TMX4: variants seen among roughly 807,000 people sequenced by gnomAD.
The protein encoded by TMX4 is thioredoxin-related transmembrane protein 4.
TMX4 carries 23 observed loss-of-function variants against 33.3 expected under a neutral mutation model. The ratio of observed to expected loss-of-function variants is 0.69; its 90% confidence interval spans 0.50 to 0.98. TMX4 has a LOEUF of 0.98. Ranked by LOEUF, TMX4 falls within the 50% of genes least tolerant of loss-of-function variation. The pLI is 0.00. For missense variants in TMX4, 399 were observed against 448.9 expected, an observed-to-expected ratio of 0.89 and a Z score of 1.01; for synonymous variants, 164 against 161.5, an observed-to-expected ratio of 1.02 and a Z score of -0.12.
At position 7,998,904 on chromosome 20, in the gene TMX4, C is replaced by T. The variant is rs140537828; in HGVS notation, c.467+828G>A. 4.1e-3 allele frequency among the ~76,000 whole-genome samples: 617 copies of T among 152,294 alleles called. 6 individuals carry two copies. Among genetic ancestry groups the T allele is most frequent in the African/African-American group, 0.013 (544 of 41,562 alleles). The stretch of plus-strand genomic sequence containing the variant: ...TGTTGTTGTGTTTTTTATCCACCCT[C>T]ATCCCAACTATGATTCTCTGTACCT... On this transcript the variant is annotated intron_variant, in intron 4 of 7. Transcript: ENST00000246024.
chr20:8,007,542 A>G (rs1375899410), intron 2 of TMX4, among the ~76,000 whole-genome samples: 2 of 152,188 alleles, frequency 1.3e-5, no homozygotes, highest in Non-Finnish European at 2.9e-5. Context: ...TCCCTATCAT[A>G]CTTTGTAGAA....
In TMX4 at chr20:7,996,087, A is replaced by G. The variant is rs372867478; in HGVS notation, c.468-16T>C. 5 of 1,607,804 alleles carry G rather than the reference A, an allele frequency of 3.1e-6. No homozygotes were observed. The highest frequency in any genetic ancestry group is 1.7e-5 in the Admixed American group (1 of 59,538). ...TCCAGACATCCTTAAAAAAAAATAA[A>G]GAGAAGAAACAGTGATCATATATAC... On this transcript the variant is annotated splice_polypyrimidine_tract_variant and intron_variant, in intron 4 of 7. Coordinates refer to ENST00000246024, the MANE Select transcript of TMX4 (RefSeq NM_021156.4).
chr20:8,019,693 G>C lies in TMX4; in HGVS notation c.-80C>G. On this transcript the variant is annotated 5_prime_UTR_variant, in exon 1 of 8. Coordinates refer to ENST00000246024, the MANE Select transcript of TMX4 (RefSeq NM_021156.4). ...GCCCGCAGCCTCGCTCGCCCGCCGG[G>C]TTTTTCAAGGAAGCGGGAGACGCAA... The C allele has an allele frequency of 8.2e-7, 1 of 1,216,082 alleles. No homozygotes were observed. The highest frequency in any genetic ancestry group is 1.0e-6 in the Non-Finnish European group (1 of 961,036). The allele number at this position is 1,216,082 out of a possible 1,614,324, so 75.3% of individuals were successfully genotyped here.
At chr20:7,983,754 T>C (rs1332928760) in intron 7 of TMX4, 40 bp downstream of exon 7, 1 of 1,585,276 alleles carries the variant, frequency 6.3e-7, no homozygotes, top group African/African-American at 1.4e-5. Flanking sequence ...ATCACAGAAT[T>C]CCAAAAACAC....
In TMX4 at chr20:7,978,551, A is replaced by T. The variant is rs936962892; in HGVS notation, c.*3700T>A. 2.3e-4 allele frequency: 35 copies of T among 152,336 alleles called. No individual in the cohort carries two copies. The highest frequency in any genetic ancestry group is 8.2e-4 in the African/African-American group (34 of 41,586). The allele number at this position is 152,336 out of a possible 1,614,324, so 9.4% of individuals were successfully genotyped here. On this transcript the variant is annotated 3_prime_UTR_variant, in exon 8 of 8. Coordinates refer to ENST00000246024, the MANE Select transcript of TMX4 (RefSeq NM_021156.4). ...CAAGGAATTTTGGCCATAAAAAGTC[A>T]AATTTTGTTTTTTTTCCACTATCAA...
chr20:8,017,552 CA>C (rs535293265), intron 1 of TMX4, among the ~76,000 whole-genome samples: 3 of 150,214 alleles, frequency 2.0e-5, no homozygotes, highest in African/African-American at 4.9e-5. Flanking sequence ...ATTCTATTAC[CA>C]AAAAAAAAGC....
At chr20:8,002,758 C>T (rs960955177) in intron 2 of TMX4, among the ~76,000 whole-genome samples, 3 of 152,066 alleles carry the variant, frequency 2.0e-5, no homozygotes, top group African/African-American at 7.2e-5. Context: ...AAATTAAATC[C>T]ATATTCAACA....
intron 6 of TMX4, among the ~76,000 whole-genome samples, chr20:7,984,485 T>C (rs2050622135): frequency 6.6e-6 from 1 of 152,108 alleles, no homozygotes. Flanking sequence ...CAATAAGCTC[T>C]AAGCCATTAA....
At chr20:8,019,051 C>T (rs1384457130) in intron 1 of TMX4, 5 of 452,712 alleles carry the variant, frequency 1.1e-5, no homozygotes, top group African/African-American at 8.2e-5. Flanking sequence ...TAAAAGCACA[C>T]GGTTTGCTTG....
At chr20:7,994,535 T>C (rs1436729603) in intron 5 of TMX4, among the ~76,000 whole-genome samples, 1 of 152,224 alleles carries the variant, frequency 6.6e-6, no homozygotes, top group Non-Finnish European at 1.5e-5. Context: ...AGGGCCATTA[T>C]GTATCTTCCC....
Position 7,979,666 on chromosome 20 carries a change from G to C in TMX4, c.*2585C>G, listed in dbSNP as rs1430010601. ...AGGCAGGAGAATCCCTTGAACTAGG[G>C]AGGCGGAGGTTGTAGTAAGCCAAGA... On this transcript the variant is annotated 3_prime_UTR_variant, in exon 8 of 8. Coordinates refer to ENST00000246024, the MANE Select transcript of TMX4 (RefSeq NM_021156.4). 6.6e-6 allele frequency: 1 copy of C among 151,422 alleles called. No homozygotes were observed. The highest frequency in any genetic ancestry group is 1.5e-5 in the Non-Finnish European group (1 of 67,948). 9.4% of individuals were successfully genotyped at this position (151,422 alleles called of 1,614,324 possible). A position where few individuals can be genotyped will look rare whatever the true frequency, so the allele number is the denominator to read the frequency against.
At chr20:7,989,453 A>G (rs1318088167) in intron 5 of TMX4, among the ~76,000 whole-genome samples, 2 of 152,230 alleles carry the variant, frequency 1.3e-5, no homozygotes, top group Non-Finnish European at 2.9e-5. Flanking sequence ...ATTTCATTAA[A>G]TCATTTGCTT....
chr20:8,006,385 A>G (rs535675632), intron 2 of TMX4, among the ~76,000 whole-genome samples: 1 of 152,330 alleles, frequency 6.6e-6, no homozygotes, highest in East Asian at 1.9e-4. Context: ...CCCTCTTTAA[A>G]TTTTACTTAC....
rs996861652 is a variant in TMX4 at position 7,978,415 on chromosome 20, G to T, written c.*3836C>A. 1 of 152,168 alleles carries T rather than the reference G, an allele frequency of 6.6e-6. No individual in the cohort carries two copies. The highest frequency in any genetic ancestry group is 2.4e-5 in the African/African-American group (1 of 41,432). The allele number at this position is 152,168 out of a possible 1,614,324, so 9.4% of individuals were successfully genotyped here. A position where few individuals can be genotyped will look rare whatever the true frequency, so the allele number is the denominator to read the frequency against. Reference sequence around the variant, plus strand: ...TTGGTAATAAAAAGTCACATGGTAAGTATTTGCCTTAAAAATGACTTTTAT... The same window carrying T: ...TTGGTAATAAAAAGTCACATGGTAATTATTTGCCTTAAAAATGACTTTTAT... On this transcript the variant is annotated 3_prime_UTR_variant, in exon 8 of 8. Transcript: ENST00000246024.
intron 5 of TMX4, among the ~76,000 whole-genome samples, chr20:7,990,129 T>C (rs1415142115): frequency 6.6e-6 from 1 of 151,992 alleles, no homozygotes; most frequent in African/African-American, 2.4e-5. Flanking sequence ...ACCCTGTCTC[T>C]AACAAAAATA....
At chr20:8,015,367 T>C (rs2050770503) in intron 1 of TMX4, among the ~76,000 whole-genome samples, 2 of 152,210 alleles carry the variant, frequency 1.3e-5, no homozygotes, top group African/African-American at 4.8e-5. Context: ...TAGAATATAA[T>C]GGGCAAGTAT....
At chr20:8,011,138 T>C (rs999709081) in intron 1 of TMX4, among the ~76,000 whole-genome samples, 1 of 152,004 alleles carries the variant, frequency 6.6e-6, no homozygotes, top group African/African-American at 2.4e-5. Flanking sequence ...AACTTGTGGG[T>C]AAGCAGGCTG....
chr20:7,995,939 T>A, intron 5 of TMX4, 87 bp downstream of exon 5: 2 of 1,110,440 alleles, frequency 1.8e-6, no homozygotes, highest in East Asian at 2.4e-5. Flanking sequence ...AATGTACTTA[T>A]AAATGTTTGT....
rs149600187 is a variant in TMX4 at position 7,982,812 on chromosome 20, G to A, written c.680-191C>T. ...TTTAGGGCTTCTCCACCTGTCTCTGGAGATTTCATGGACCATAATGACTTC... is the reference window on the plus strand; with the variant it reads ...TTTAGGGCTTCTCCACCTGTCTCTGAAGATTTCATGGACCATAATGACTTC... On this transcript the variant is annotated intron_variant, in intron 7 of 7. Transcript: ENST00000246024. Among the ~76,000 whole-genome samples, 21 of 152,266 alleles carry A rather than the reference G, an allele frequency of 1.4e-4. No individual in the cohort carries two copies. In the East Asian group the frequency reaches 4.1e-3, roughly 29 times the overall value.
Sources: gnomAD v4.1 joint callset for allele counts (sites outside exome capture counted in the v4.1 genomes callset) on GRCh38, gnomAD v4.1.1 for gene constraint, MANE v1.5 for transcripts, NCBI Gene and HGNC (gene_info 2026-07-23, HGNC 2026-07-21) for gene names.